Variants in LHPP observed in about 807,000 individuals in gnomAD.
LHPP encodes the protein hLHPP.
Under a neutral mutation model 30.3 loss-of-function variants are expected in LHPP, and 24 were observed. That is an observed-to-expected ratio of 0.79 (90% CI 0.57 to 1.11). The LOEUF is 1.11. Ranked by LOEUF, LHPP falls within the 50% of genes most tolerant of loss-of-function variation. The pLI, the probability that LHPP is intolerant of heterozygous loss-of-function variation, is 0.00. For synonymous variants in LHPP, 150 were observed against 157.1 expected (o/e 0.95, Z 0.34); for missense variants, 356 against 367.2 (o/e 0.97, Z 0.25).
intron 5 of LHPP, among the ~76,000 whole-genome samples, chr10:124,506,575 C>T (rs973861361): frequency 6.6e-6 from 1 of 150,930 alleles, no homozygotes; most frequent in Non-Finnish European, 1.5e-5. Flanking sequence ...CTTCCAGCCC[C>T]GTCCAGTGCT....
intron 1 of LHPP, among the ~76,000 whole-genome samples, chr10:124,472,305 T>C (rs1564769304): frequency 6.6e-6 from 1 of 152,060 alleles, no homozygotes; most frequent in Non-Finnish European, 1.5e-5. Flanking sequence ...ACAGCAAGAC[T>C]CTGTCTCAAA....
intron 6 of LHPP, among the ~76,000 whole-genome samples, chr10:124,585,137 G>A (rs1948787869): frequency 6.6e-6 from 1 of 151,806 alleles, no homozygotes; most frequent in South Asian, 2.1e-4. Context: ...TTTGGATAAG[G>A]GATTCTTTAC....
chr10:124,516,189 A>C (rs1367005941), intron 5 of LHPP, among the ~76,000 whole-genome samples: 2 of 152,212 alleles, frequency 1.3e-5, no homozygotes, highest in African/African-American at 4.8e-5. Context: ...GGGTGCCAGC[A>C]AGTCCGGTTT....
chr10:124,587,256 A>T (rs1385539635), intron 6 of LHPP, among the ~76,000 whole-genome samples: 1 of 151,346 alleles, frequency 6.6e-6, no homozygotes, highest in Non-Finnish European at 1.5e-5. Flanking sequence ...GCTGGTCTCG[A>T]ACTCCTGGCC....
chr10:124,580,275 G>C (rs1948726663), intron 6 of LHPP, among the ~76,000 whole-genome samples: 2 of 152,180 alleles, frequency 1.3e-5, no homozygotes, highest in Admixed American at 1.3e-4. Flanking sequence ...ATAATCAGAT[G>C]TATTAATCAT....
intron 1 of LHPP, among the ~76,000 whole-genome samples, chr10:124,480,966 A>G (rs1953106671): frequency 6.6e-6 from 1 of 152,162 alleles, no homozygotes; most frequent in Non-Finnish European, 1.5e-5. Context: ...GGGGGTTATA[A>G]GGAGGCTGCA....
intron 3 of LHPP, among the ~76,000 whole-genome samples, chr10:124,491,149 A>G (rs1953514792): frequency 6.6e-6 from 1 of 152,164 alleles, no homozygotes. Context: ...CTAGAATTCT[A>G]GAATCACAGG....
chr10:124,493,781 G>A (rs1405116650), intron 3 of LHPP: 1 of 152,150 alleles, frequency 6.6e-6, no homozygotes, highest in Non-Finnish European at 1.5e-5. Flanking sequence ...GCCGTTGGCT[G>A]GGTTAAACCA....
intron 6 of LHPP, among the ~76,000 whole-genome samples, chr10:124,591,216 G>A (rs1180868724): frequency 6.6e-6 from 1 of 152,200 alleles, no homozygotes; most frequent in Non-Finnish European, 1.5e-5. Context: ...GGCTCCAGCC[G>A]GCATGGCCTG....
chr10:124,472,814 T>G (rs927938536), intron 1 of LHPP, among the ~76,000 whole-genome samples: 3 of 152,174 alleles, frequency 2.0e-5, no homozygotes, highest in African/African-American at 7.2e-5. Context: ...CGCCTCAGCT[T>G]CCCAAAGTGC....
intron 1 of LHPP, among the ~76,000 whole-genome samples, chr10:124,468,896 G>T (rs1455864317): frequency 6.6e-6 from 1 of 152,138 alleles, no homozygotes; most frequent in African/African-American, 2.4e-5. Flanking sequence ...TGCGAAGGTG[G>T]TGCAGGAAAC....
Position 124,593,632 on chromosome 10 carries a change from G to T in LHPP, c.717-19632G>T, listed in dbSNP as rs918384654. Among the ~76,000 whole-genome samples the T allele has an allele frequency of 6.6e-6, 1 of 152,228 alleles. No individual in the cohort carries two copies. Among genetic ancestry groups the T allele is most frequent in the African/African-American group, 2.4e-5 (1 of 41,448 alleles). On this transcript the variant is annotated intron_variant, in intron 6 of 6. Transcript: ENST00000368842. This position sits in a 1 kb window ranked among gnomAD's most constrained non-coding sequence, Gnocchi z 4.9. ...TGAGGCACCACCATGGACCTGATGG[G>T]CAGATCCCCCAGGGCACTCTATCCA...
chr10:124,579,208 C>G (rs538455842), intron 6 of LHPP, among the ~76,000 whole-genome samples: 50 of 152,358 alleles, frequency 3.3e-4, no homozygotes, highest in South Asian at 1.9e-3. Context: ...GCGTTCTGAG[C>G]GCCCTCTGAG....
intron 1 of LHPP, among the ~76,000 whole-genome samples, chr10:124,477,864 C>T (rs1200569733): frequency 6.6e-6 from 1 of 152,334 alleles, no homozygotes; most frequent in African/African-American, 2.4e-5. Flanking sequence ...GGATTCCCTG[C>T]AGCCCTATGT....
intron 6 of LHPP, among the ~76,000 whole-genome samples, chr10:124,606,149 G>A (rs920975463): frequency 1.2e-4 from 19 of 152,168 alleles, no homozygotes; most frequent in African/African-American, 3.6e-4. Context: ...AGGAGAACCC[G>A]CAGCCGCCCC....
chr10:124,608,534 T>C (rs1395417872), intron 6 of LHPP, among the ~76,000 whole-genome samples: 2 of 152,192 alleles, frequency 1.3e-5, no homozygotes, highest in South Asian at 2.1e-4. Flanking sequence ...CACAGGGGCT[T>C]AGGGAAGTTG....
intron 2 of LHPP, among the ~76,000 whole-genome samples, chr10:124,484,783 A>G (rs1056901041): frequency 7.9e-5 from 12 of 152,130 alleles, no homozygotes; most frequent in African/African-American, 2.2e-4. Context: ...GCCTTCAACT[A>G]TGTGAAAACC....
chr10:124,465,446 A>G (rs1456840090), intron 1 of LHPP, among the ~76,000 whole-genome samples: 1 of 152,238 alleles, frequency 6.6e-6, no homozygotes, highest in East Asian at 1.9e-4. Flanking sequence ...TACAAGTCAA[A>G]TGAAAGCAAG....
intron 6 of LHPP, among the ~76,000 whole-genome samples, chr10:124,529,896 G>A (rs887974026): frequency 2.7e-4 from 41 of 152,340 alleles, no homozygotes; most frequent in Admixed American, 2.0e-3. Flanking sequence ...CTGCCCCAGC[G>A]GGGAAGGGGT....
Sources: gnomAD v4.1 joint callset for allele counts (sites outside exome capture counted in the v4.1 genomes callset) on GRCh38, gnomAD v4.1.1 for gene constraint, Gnocchi (gnomAD v3.1) non-coding constraint, MANE v1.5 for transcripts, NCBI Gene and HGNC (gene_info 2026-07-23, HGNC 2026-07-21) for gene names.